Variants in PCDH11X observed in about 807,000 individuals in gnomAD.
PCDH11X encodes protocadherin-11 X-linked.
Under a neutral mutation model 53.3 loss-of-function variants are expected in PCDH11X, and 18 were observed. That is an observed-to-expected ratio of 0.34 (90% confidence interval 0.23 to 0.50). PCDH11X has a LOEUF of 0.50. Ranked by LOEUF, PCDH11X falls within the 20% of genes least tolerant of loss-of-function variation. PCDH11X has a pLI of 0.98. For missense variants in PCDH11X, 570 were observed against 1,032.4 expected, an observed-to-expected ratio of 0.55 and a Z score of 6.14; for synonymous variants, 279 against 393.3, an observed-to-expected ratio of 0.71 and a Z score of 3.44.
intron 6 of PCDH11X, among the ~76,000 whole-genome samples, chrX:92,021,566 G>A (rs1367882830): frequency 9.4e-6 from 1 of 106,803 alleles, no homozygotes; most frequent in Non-Finnish European, 1.9e-5. Flanking sequence ...GAAAGAGACG[G>A]GGAGAATGAA....
intron 6 of PCDH11X, among the ~76,000 whole-genome samples, chrX:91,969,631 T>C (rs1252381679): frequency 1.9e-5 from 2 of 107,928 alleles, no homozygotes; most frequent in Non-Finnish European, 3.8e-5. Flanking sequence ...AGACTCCTTC[T>C]CTACAAAAAA....
At chrX:92,459,770 T>C in intron 9 of PCDH11X, 1 of 1,172,045 alleles carries the variant, frequency 8.5e-7, no homozygotes, top group South Asian at 1.8e-5. Context: ...GCGGCCAGCG[T>C]CTATGCAGGC....
At chrX:92,189,785 T>C (rs746627505) in intron 6 of PCDH11X, among the ~76,000 whole-genome samples, 9 of 112,066 alleles carry the variant, frequency 8.0e-5, no homozygotes, top group Non-Finnish European at 1.7e-4. Context: ...TATCTCATTG[T>C]GGTTTTGCTT....
intron 9 of PCDH11X, among the ~76,000 whole-genome samples, chrX:92,453,158 A>G (rs1255697546): frequency 9.5e-6 from 1 of 105,592 alleles, no homozygotes; most frequent in African/African-American, 3.6e-5. Context: ...TTGGGATTAT[A>G]TATTAATGAT....
intron 8 of PCDH11X, among the ~76,000 whole-genome samples, chrX:92,288,490 G>A (rs2068428679): frequency 9.3e-6 from 1 of 107,900 alleles, no homozygotes; most frequent in Admixed American, 1.0e-4. Context: ...TCCTGCCTCA[G>A]CCTCCTGAGT....
chrX:91,814,641 T>C (rs1936398806), intron 4 of PCDH11X, among the ~76,000 whole-genome samples: 2 of 92,904 alleles, frequency 2.2e-5, no homozygotes, highest in Non-Finnish European at 4.3e-5. Context: ...TTTAAAGCTG[T>C]AGCATTGCTC....
chrX:92,212,205 T>C (rs1480814745), intron 7 of PCDH11X, among the ~76,000 whole-genome samples: 1 of 110,649 alleles, frequency 9.0e-6, no homozygotes, highest in Non-Finnish European at 1.9e-5. Context: ...AGAGATGGGG[T>C]TTCACCCTGT....
chrX:92,078,912 T>A (rs1249877857), intron 6 of PCDH11X, among the ~76,000 whole-genome samples: 1 of 110,659 alleles, frequency 9.0e-6, no homozygotes, highest in Non-Finnish European at 1.9e-5. Flanking sequence ...TTTATCATAA[T>A]ACTTGTTTAT....
rs188263807 is a variant in PCDH11X, at chrX:92,077,528, A to G, written c.3034-123847A>G. On this transcript the variant is annotated intron_variant, in intron 6 of 10. Coordinates refer to ENST00000682573, the MANE Select transcript of PCDH11X (RefSeq NM_032968.5). Reference sequence around the variant, plus strand: ...TATAATACTGAAAATATCATTTTAAATGTTTGAATAAAGGCATTTATAATT... The same window carrying G: ...TATAATACTGAAAATATCATTTTAAGTGTTTGAATAAAGGCATTTATAATT... Among the ~76,000 whole-genome samples, 767 of 110,388 alleles carry G rather than the reference A, an allele frequency of 6.9e-3. 7 individuals carry two copies. Among genetic ancestry groups the G allele is most frequent in the African/African-American group, 0.024 (730 of 30,400 alleles).
At chrX:91,860,435 C>A (rs2147685778) in intron 5 of PCDH11X, among the ~76,000 whole-genome samples, 1 of 107,833 alleles carries the variant, frequency 9.3e-6, no homozygotes, top group South Asian at 4.2e-4. Flanking sequence ...TCCTCTATTT[C>A]TATTTGAGTA....
intron 10 of PCDH11X, among the ~76,000 whole-genome samples, chrX:92,607,420 C>A (rs1926937194): frequency 9.0e-6 from 1 of 111,527 alleles, no homozygotes; most frequent in African/African-American, 3.3e-5. Context: ...ACAGTATAGG[C>A]AAATCTATTG....
chrX:92,215,798 C>T (rs1192121176), intron 7 of PCDH11X, among the ~76,000 whole-genome samples: 3 of 106,614 alleles, frequency 2.8e-5, no homozygotes, highest in Non-Finnish European at 5.8e-5. Context: ...AACTGGGAGG[C>T]ACCCCCCAGT....
intron 1 of PCDH11X, among the ~76,000 whole-genome samples, chrX:91,804,761 A>G (rs1311497889): frequency 9.0e-6 from 1 of 111,290 alleles, no homozygotes; most frequent in Non-Finnish European, 1.9e-5. Flanking sequence ...GGCATGTGAT[A>G]AAATGTCATG....
chrX:92,311,377 TATG>T (rs906226829), intron 8 of PCDH11X, among the ~76,000 whole-genome samples: 2 of 109,979 alleles, frequency 1.8e-5, no homozygotes, highest in African/African-American at 6.6e-5. Flanking sequence ...TTCTCTTTTT[TATG>T]ATAACTTTGT....
chrX:92,605,158 T>C (rs934571879), intron 10 of PCDH11X, among the ~76,000 whole-genome samples: 1 of 109,399 alleles, frequency 9.1e-6, no homozygotes, highest in Non-Finnish European at 1.9e-5. Flanking sequence ...ATAGACTATA[T>C]GGTAGGCTAT....
intron 8 of PCDH11X, among the ~76,000 whole-genome samples, chrX:92,276,580 A>G (rs1014259032): frequency 1.4e-4 from 15 of 110,886 alleles, no homozygotes; most frequent in African/African-American, 4.6e-4. Flanking sequence ...TCAGTCAGGC[A>G]TTTGGAAGTT....
chrX:91,843,915 C>T (rs1477330473), intron 5 of PCDH11X, among the ~76,000 whole-genome samples: 1 of 111,039 alleles, frequency 9.0e-6, no homozygotes, highest in Non-Finnish European at 1.9e-5. Flanking sequence ...CTAAGTCTTT[C>T]TATTATCTTA....
intron 10 of PCDH11X, among the ~76,000 whole-genome samples, chrX:92,485,759 T>G (rs1378331088): frequency 9.0e-6 from 1 of 111,721 alleles, no homozygotes; most frequent in Non-Finnish European, 1.9e-5. Flanking sequence ...GAAAGCCTCT[T>G]CAGCCTGCCT....
chrX:92,090,566 G>T (rs1453659744), intron 6 of PCDH11X, among the ~76,000 whole-genome samples: 1 of 111,505 alleles, frequency 9.0e-6, no homozygotes, highest in Non-Finnish European at 1.9e-5. Flanking sequence ...GAAAACTAGA[G>T]AAATAGTTAC....
Sources: allele counts gnomAD v4.1 joint callset (sites outside exome capture counted in the v4.1 genomes callset), GRCh38; gene constraint gnomAD v4.1.1; transcripts MANE v1.5; gene names NCBI Gene and HGNC (gene_info 2026-07-23, HGNC 2026-07-21).